Variants in TTC28 observed in about 807,000 individuals in gnomAD.
TTC28 encodes tetratricopeptide repeat protein 28.
TTC28 carries 61 observed loss-of-function variants against 198.0 expected under a neutral mutation model. That is an observed-to-expected ratio of 0.31 (90% CI 0.25 to 0.38). The LOEUF (loss-of-function observed/expected upper bound fraction) is 0.38, where lower values mean the gene tolerates loss of function less well. TTC28 is among the 10% of genes least tolerant of loss of function. TTC28 has a pLI of 1.00. For synonymous variants in TTC28, 1,171 were observed against 1,297.8 expected, an observed-to-expected ratio of 0.90 and a Z score of 2.10; for missense variants, 2,678 against 3,164.0, an observed-to-expected ratio of 0.85 and a Z score of 3.69.
chr22:28,308,294 C>T (rs2145813979), intron 2 of TTC28, among the ~76,000 whole-genome samples: 1 of 152,222 alleles, frequency 6.6e-6, no homozygotes, highest in East Asian at 1.9e-4. Flanking sequence ...CAAGAGGCAA[C>T]AGTATATTCC....
intron 1 of TTC28, among the ~76,000 whole-genome samples, chr22:28,646,385 A>G (rs1432706986): frequency 6.6e-6 from 1 of 152,214 alleles, no homozygotes; most frequent in African/African-American, 2.4e-5. Context: ...ACTACAAAAC[A>G]CTGCTGAAAG....
chr22:28,364,301 T>A (rs574221838), intron 2 of TTC28, among the ~76,000 whole-genome samples: 156 of 152,292 alleles, frequency 1.0e-3, no homozygotes, highest in African/African-American at 3.5e-3. Context: ...ATGTAAGATG[T>A]GACTTGCTCC....
intron 2 of TTC28, among the ~76,000 whole-genome samples, chr22:28,609,471 C>T (rs915452404): frequency 6.6e-6 from 1 of 152,148 alleles, no homozygotes; most frequent in African/African-American, 2.4e-5. Context: ...ACCCGGGAAG[C>T]ACAAGGGGTC....
chr22:28,092,625 G>T (rs1941848964), intron 12 of TTC28, among the ~76,000 whole-genome samples: 1 of 152,068 alleles, frequency 6.6e-6, no homozygotes, highest in Non-Finnish European at 1.5e-5. Flanking sequence ...CTTTGGTCAG[G>T]TTATAGTCTA....
chr22:28,137,228 CCA>C (rs1943220494), intron 6 of TTC28, among the ~76,000 whole-genome samples: 1 of 152,186 alleles, frequency 6.6e-6, no homozygotes, highest in African/African-American at 2.4e-5. Flanking sequence ...GAGTTACATT[CCA>C]CAGTCTCATG....
chr22:28,541,153 T>A (rs570862303), intron 2 of TTC28, among the ~76,000 whole-genome samples: 1 of 152,218 alleles, frequency 6.6e-6, no homozygotes, highest in Non-Finnish European at 1.5e-5. Context: ...ACCACATCTA[T>A]GCTCTGCCAA....
At chr22:28,422,675 G>A (rs928406393) in intron 2 of TTC28, among the ~76,000 whole-genome samples, 2 of 151,824 alleles carry the variant, frequency 1.3e-5, no homozygotes, top group African/African-American at 2.4e-5. Context: ...TCGATCTCCC[G>A]ACCTCACGAT....
At chr22:28,309,813 G>A (rs375393956) in intron 2 of TTC28, among the ~76,000 whole-genome samples, 13 of 152,058 alleles carry the variant, frequency 8.5e-5, no homozygotes, top group African/African-American at 3.1e-4. Flanking sequence ...GGAGAAGAAA[G>A]GGCAACATGG....
At chr22:28,406,519 C>A (rs1017021232) in intron 2 of TTC28, among the ~76,000 whole-genome samples, 1 of 152,154 alleles carries the variant, frequency 6.6e-6, no homozygotes, top group Non-Finnish European at 1.5e-5. Context: ...CCTAGAGATG[C>A]ATTTTCTACT....
intron 2 of TTC28, among the ~76,000 whole-genome samples, chr22:28,386,542 G>C (rs1187225721): frequency 1.3e-5 from 2 of 152,072 alleles, no homozygotes; most frequent in Non-Finnish European, 2.9e-5. Flanking sequence ...AGATGAGAAA[G>C]CTAAAGATTC....
At chr22:28,138,631 CT>C (rs1309525245) in intron 6 of TTC28, among the ~76,000 whole-genome samples, 1 of 152,116 alleles carries the variant, frequency 6.6e-6, no homozygotes, top group Non-Finnish European at 1.5e-5. Context: ...CAGTACAGCC[CT>C]GGCTTTAATA....
At chr22:28,531,183 A>T (rs1451574383) in intron 2 of TTC28, among the ~76,000 whole-genome samples, 2 of 152,338 alleles carry the variant, frequency 1.3e-5, no homozygotes, top group East Asian at 3.9e-4. Context: ...GCAGAGACAC[A>T]CATAGGCTCA....
intron 2 of TTC28, among the ~76,000 whole-genome samples, chr22:28,455,587 G>T (rs1164990659): frequency 2.0e-5 from 3 of 151,950 alleles, no homozygotes; most frequent in African/African-American, 7.2e-5. Flanking sequence ...GCCTGTGCAT[G>T]TCTGTAATCC....
chr22:28,642,544 T>C (rs2051386283), intron 1 of TTC28, among the ~76,000 whole-genome samples: 2 of 152,216 alleles, frequency 1.3e-5, no homozygotes, highest in Non-Finnish European at 2.9e-5. Flanking sequence ...CTAACCAGGC[T>C]GCAACTATTC....
chr22:28,584,015 T>TG (rs982985044), intron 2 of TTC28, among the ~76,000 whole-genome samples: 1 of 146,358 alleles, frequency 6.8e-6, no homozygotes, highest in African/African-American at 2.6e-5. Flanking sequence ...TGTTTTGTTT[T>TG]GTTTTTTTTT....
At position 28,629,534 on chromosome 22, in the gene TTC28, A is replaced by G; in HGVS notation, c.381+18T>C. The G allele has an allele frequency of 6.5e-7, 1 of 1,531,548 alleles. No individual in the cohort carries two copies. The highest frequency in any genetic ancestry group is 8.8e-7 in the Non-Finnish European group (1 of 1,138,438). 94.9% of individuals were successfully genotyped at this position (1,531,548 alleles called of 1,614,324 possible). A position where few individuals can be genotyped will look rare whatever the true frequency, so the allele number is the denominator to read the frequency against. ...AAAGATTCTATGAAAATAAATCTTC[A>G]TAGGTAAAAATTTCTACCTTTGGCC... is the stretch of plus-strand genomic sequence containing the variant. On this transcript the variant is annotated intron_variant, in intron 2 of 22. Coordinates refer to ENST00000397906, the MANE Select transcript of TTC28 (RefSeq NM_001145418.2).
At chr22:28,257,758 A>ATC (rs1165833355) in intron 5 of TTC28, among the ~76,000 whole-genome samples, 1 of 43,118 alleles carries the variant, frequency 2.3e-5, no homozygotes, top group Non-Finnish European at 5.8e-5. Flanking sequence ...ATATATATAT[A>ATC]TATATATATA....
intron 2 of TTC28, among the ~76,000 whole-genome samples, chr22:28,399,862 G>C (rs1390031450): frequency 6.6e-6 from 1 of 152,068 alleles, no homozygotes; most frequent in Non-Finnish European, 1.5e-5. Context: ...GAATTCACCA[G>C]ATATTCATCT....
At chr22:28,276,281 G>A (rs531142379) in intron 5 of TTC28, among the ~76,000 whole-genome samples, 3 of 152,244 alleles carry the variant, frequency 2.0e-5, no homozygotes, top group African/African-American at 4.8e-5. Flanking sequence ...CCAAAGTGCT[G>A]GGATTACAGG....
Sources: allele counts gnomAD v4.1 joint callset (sites outside exome capture counted in the v4.1 genomes callset), GRCh38; gene constraint gnomAD v4.1.1; transcripts MANE v1.5; gene names NCBI Gene and HGNC (gene_info 2026-07-23, HGNC 2026-07-21).